Variants in DNAH11 observed in about 807,000 individuals in gnomAD.
DNAH11 encodes the protein dynein axonemal heavy chain 11.
In DNAH11, 442 loss-of-function variants were observed where a neutral mutation model predicts 526.0. That is an observed-to-expected ratio of 0.84 (90% CI 0.78 to 0.91). DNAH11 has a LOEUF of 0.91. DNAH11 is among the 40% of genes least tolerant of loss of function. The pLI is 0.00. For synonymous variants in DNAH11, 2,461 were observed against 1,935.9 expected (o/e 1.27, Z -7.12); for missense variants, 6,989 against 5,448.7 (o/e 1.28, Z -8.90).
intron 74 of DNAH11, among the ~76,000 whole-genome samples, chr7:21,873,924 G>T (rs1250103264): frequency 6.6e-6 from 1 of 150,456 alleles, no homozygotes; most frequent in Non-Finnish European, 1.5e-5. Flanking sequence ...CTGAGTAGCT[G>T]TGATTACAGC....
intron 75 of DNAH11, among the ~76,000 whole-genome samples, chr7:21,882,813 A>T (rs897826655): frequency 6.6e-6 from 1 of 152,240 alleles, no homozygotes; most frequent in African/African-American, 2.4e-5. Flanking sequence ...AAAAGAGGAA[A>T]GAACAAATCC....
intron 2 of DNAH11, among the ~76,000 whole-genome samples, chr7:21,546,502 T>A (rs1423146063): frequency 6.6e-6 from 1 of 152,220 alleles, no homozygotes; most frequent in Non-Finnish European, 1.5e-5. Context: ...GTGAAATTCT[T>A]GCTCTACTAT....
intron 45 of DNAH11, among the ~76,000 whole-genome samples, chr7:21,733,758 A>T (rs554767375): frequency 6.6e-6 from 1 of 152,194 alleles, no homozygotes; most frequent in African/African-American, 2.4e-5. Flanking sequence ...TTATGCCATT[A>T]TATGTCAGGC....
chr7:21,600,745 A>C lies in DNAH11; in HGVS notation c.3070A>C (p.Ile1024Leu), dbSNP rs779398246. The change falls in exon 16 of 82, where the codon ATC becomes CTC. Residue 1024 changes from isoleucine to leucine, a missense_variant. Ile to Leu is a conservative substitution (Grantham distance 5). Transcript: ENST00000409508. ...QEIMNRVVNV[I>L]NKVLDFRNTL... ...GATCATGAACAGAGTGGTGAATGTC[A>C]TCAACAAAGTCTTAGATTTCAGAAA... 6.2e-7 allele frequency: 1 copy of C among 1,613,908 alleles called. No homozygotes were observed. Among genetic ancestry groups the C allele is most frequent in the South Asian group, 1.1e-5 (1 of 91,070 alleles).
rs199917123 is a variant in DNAH11, at chr7:21,738,735, T to C, written c.7680T>C (p.Gly2560=). The stretch of plus-strand genomic sequence containing the variant: ...AGAAACCCCTAGAGAAAAAAGCTGG[T>C]CATAACTATGGTCCTGGAGGAAATA... ...ILEKPLEKKA[G]HNYGPGGNKK... The change falls in exon 47 of 82, where the codon GGT becomes GGC. Residue 2560 remains glycine (G), a synonymous_variant. Transcript: ENST00000409508. 23 of 1,583,524 alleles carry C rather than the reference T, an allele frequency of 1.5e-5. No individual in the cohort carries two copies. The highest frequency in any genetic ancestry group is 3.6e-5 in the Admixed American group (2 of 55,568).
chr7:21,821,042 C>A (rs895057861), intron 65 of DNAH11, among the ~76,000 whole-genome samples: 1 of 151,928 alleles, frequency 6.6e-6, no homozygotes, highest in African/African-American at 2.4e-5. Flanking sequence ...GGGGACAAAT[C>A]AGTGTGATAT....
rs565037854 is a variant in DNAH11, at chr7:21,705,694, A to G, written c.6546+157A>G. ...AGACTGGAATCTTGCTGCTTGATCA[A>G]TTGACATTCTTTTCCTTTATATTGG... On this transcript the variant is annotated intron_variant, in intron 39 of 81. Coordinates refer to ENST00000409508, the MANE Select transcript of DNAH11 (RefSeq NM_001277115.2). 4.4e-3 allele frequency among the ~76,000 whole-genome samples: 676 copies of G among 152,256 alleles called. 4 individuals are homozygous for G. Among genetic ancestry groups the G allele is most frequent in the Middle Eastern group, 0.017 (5 of 294 alleles).
At position 21,659,048 on chromosome 7, in the gene DNAH11, T is replaced by G; in HGVS notation, c.5328+17T>G. ...AAAAAACAGGTATTACATAGATTTG[T>G]GATTTTGAGACATAAAGGAACTTCA... On this transcript the variant is annotated intron_variant, in intron 30 of 81. Transcript: ENST00000409508. The G allele has an allele frequency of 6.5e-7, 1 of 1,542,166 alleles. No individual in the cohort carries two copies. Among genetic ancestry groups the G allele is most frequent in the East Asian group, 2.4e-5 (1 of 42,350 alleles).
chr7:21,567,370 C>A (rs1783712107), intron 6 of DNAH11, among the ~76,000 whole-genome samples: 1 of 152,132 alleles, frequency 6.6e-6, no homozygotes, highest in Non-Finnish European at 1.5e-5. Flanking sequence ...AATTCAAGCC[C>A]TTCCTATGTT....
intron 64 of DNAH11, among the ~76,000 whole-genome samples, chr7:21,816,955 A>C (rs575523536): frequency 6.6e-6 from 1 of 152,288 alleles, no homozygotes; most frequent in Admixed American, 6.5e-5. Context: ...TGTGGGGGAA[A>C]ATATGTAAAT....
intron 14 of DNAH11, 115 bp from the exon 15 acceptor site, chr7:21,599,672 C>T (rs939866506): frequency 5.4e-6 from 4 of 740,722 alleles, no homozygotes; most frequent in African/African-American, 5.4e-5. Context: ...TTGAATGTTC[C>T]TGTCTTGTGC....
intron 65 of DNAH11, among the ~76,000 whole-genome samples, chr7:21,841,930 A>G (rs10274154): frequency 0.15 from 22,790 of 152,104 alleles, 3,291 homozygotes; most frequent in African/African-American, 0.37. Flanking sequence ...TTATTTCTCA[A>G]TTTAACCTGC....
intron 54 of DNAH11, among the ~76,000 whole-genome samples, chr7:21,755,574 A>C (rs1015420826): frequency 1.3e-5 from 2 of 152,166 alleles, no homozygotes; most frequent in African/African-American, 4.8e-5. Context: ...AGAATTTAAA[A>C]ATACAAAACA....
At chr7:21,587,977 G>A in intron 9 of DNAH11, 87 bp from the exon 10 acceptor site, 1 of 1,290,046 alleles carries the variant, frequency 7.8e-7, no homozygotes, top group East Asian at 2.4e-5. Flanking sequence ...CTTTAGTCAT[G>A]TAAGAGGTTT....
chr7:21,776,702 G>A lies in DNAH11; in HGVS notation c.9337-2256G>A, dbSNP rs73277723. 4.8e-3 allele frequency among the ~76,000 whole-genome samples: 726 copies of A among 152,234 alleles called. 5 individuals carry two copies. The highest frequency in any genetic ancestry group is 0.017 in the African/African-American group (692 of 41,544). ...ACAGCTTCCTTAGAAACTGAAATTA[G>A]GGCTTGAAATAACATAATTTTGTCC... On this transcript the variant is annotated intron_variant, in intron 56 of 81. Coordinates refer to ENST00000409508, the MANE Select transcript of DNAH11 (RefSeq NM_001277115.2).
chr7:21,873,650 A>C, intron 74 of DNAH11, 149 bp downstream of exon 74: 1 of 724,084 alleles, frequency 1.4e-6, no homozygotes, highest in Non-Finnish European at 2.3e-6. Context: ...GGCGTGTTTT[A>C]ATCTCTTGAA....
chr7:21,787,566 A>G lies in DNAH11; in HGVS notation c.9907A>G (p.Ile3303Val), dbSNP rs376875223. The G allele has an allele frequency of 4.3e-5, 69 of 1,610,808 alleles. No individual in the cohort carries two copies. The African/African-American group carries it at 6.5e-4, about 15-fold the overall frequency. ...TGGCCTGTGTGCCTGGGTCATCAAC[A>G]TCATTAAATTCTATGAGGTATCAAT... Reference protein sequence around the residue: ...AAGLCAWVINIIKFYEVYCDV... With the variant: ...AAGLCAWVINVIKFYEVYCDV... Residue 3303 changes from isoleucine to valine, a missense_variant, in exon 60 of 82, where the codon ATC becomes GTC. Physicochemically the swap from Ile to Val is conservative, Grantham distance 29 (BLOSUM62 3). Transcript: ENST00000409508.
intron 68 of DNAH11, among the ~76,000 whole-genome samples, chr7:21,858,256 C>A (rs1782929473): frequency 6.6e-6 from 1 of 152,176 alleles, no homozygotes; most frequent in South Asian, 2.1e-4. Context: ...TATGGTACTA[C>A]AGCTCTCTCA....
chr7:21,868,101 T>TTTA, intron 72 of DNAH11, 94 bp downstream of exon 72: 3 of 988,270 alleles, frequency 3.0e-6, no homozygotes, highest in Non-Finnish European at 3.8e-6. Context: ...GTGATCTTAG[T>TTTA]TTCTTTTTTT....
Sources: gnomAD v4.1 joint callset for allele counts (sites outside exome capture counted in the v4.1 genomes callset) on GRCh38, gnomAD v4.1.1 for gene constraint, MANE v1.5 for transcripts, NCBI Gene and HGNC (gene_info 2026-07-23, HGNC 2026-07-21) for gene names.